PPARGC1A: variants seen among roughly 807,000 people sequenced by gnomAD.
PPARGC1A encodes peroxisome proliferator-activated receptor gamma coactivator 1-alpha.
A neutral mutation model predicts 88.7 loss-of-function variants in PPARGC1A; 25 were observed. The ratio of observed to expected loss-of-function variants is 0.28; its 90% CI spans 0.21 to 0.39. The LOEUF is 0.39. Among genes scored for constraint, PPARGC1A ranks in the 10% least tolerant of loss-of-function variants. The probability of loss-of-function intolerance (pLI) is 1.00; values close to 1 mark genes in which losing one functional copy is unlikely to be tolerated. For missense variants in PPARGC1A, 880 were observed against 968.7 expected (o/e 0.91, Z 1.22); for synonymous variants, 363 against 355.6 (o/e 1.02, Z -0.24).
chr4:24,260,531 A>C, the PPARGC1A span, among the ~76,000 whole-genome samples: 1 of 152,190 alleles, frequency 6.6e-6, no homozygotes, highest in Non-Finnish European at 1.5e-5. Flanking sequence ...AGCAATCAAC[A>C]TGGGAATCGC....
the PPARGC1A span, among the ~76,000 whole-genome samples, chr4:24,013,091 T>C: frequency 1.3e-5 from 2 of 152,282 alleles, no homozygotes; most frequent in African/African-American, 2.4e-5. Context: ...CCTAGTTGTG[T>C]TTAGCACCTA....
chr4:23,813,826 G>A lies in PPARGC1A; in HGVS notation c.1657C>T (p.Pro553Ser). 1 of 1,613,954 alleles carries A rather than the reference G, an allele frequency of 6.2e-7. No individual in the cohort carries two copies. The highest frequency in any genetic ancestry group is 8.5e-7 in the Non-Finnish European group (1 of 1,179,890). ...CTTTGAGAAAATAAGGATTTGGGTGGTGACACAGAATCTCTACATGGAGAG... is the reference window on the plus strand; with the variant it reads ...CTTTGAGAAAATAAGGATTTGGGTGATGACACAGAATCTCTACATGGAGAG... ...FNSPCRDSVSPPKSLFSQRPQ... is the reference protein window; with the variant it reads ...FNSPCRDSVSSPKSLFSQRPQ... Residue 553 changes from proline to serine, a missense_variant, in exon 8 of 13, where the codon CCA becomes TCA. Transcript: ENST00000264867.
chr4:23,931,845 G>C, the PPARGC1A span, among the ~76,000 whole-genome samples: 1 of 152,192 alleles, frequency 6.6e-6, no homozygotes, highest in South Asian at 2.1e-4. Flanking sequence ...TGGAGTCAGA[G>C]ATACCCAGAT....
the PPARGC1A span, among the ~76,000 whole-genome samples, chr4:24,009,550 G>C: frequency 3.9e-5 from 6 of 152,206 alleles, no homozygotes; most frequent in African/African-American, 1.4e-4. Flanking sequence ...TGTATTGCTA[G>C]TTTCTTTCTC....
At chr4:24,355,474 C>G in the PPARGC1A span, among the ~76,000 whole-genome samples, 7 of 152,030 alleles carry the variant, frequency 4.6e-5, no homozygotes, top group Non-Finnish European at 1.0e-4. Flanking sequence ...ATGCCCTCTC[C>G]CCTTCTGTAA....
chr4:24,306,201 T>A, the PPARGC1A span, among the ~76,000 whole-genome samples: 6 of 151,888 alleles, frequency 4.0e-5, no homozygotes, highest in Non-Finnish European at 7.4e-5. Context: ...TAATTAAAAA[T>A]GGGATGGGGG....
chr4:24,198,622 G>A, the PPARGC1A span, among the ~76,000 whole-genome samples: 1 of 152,222 alleles, frequency 6.6e-6, no homozygotes, highest in Non-Finnish European at 1.5e-5. Context: ...GCAATTAGCA[G>A]CCCCTCCAGC....
At chr4:24,002,891 C>T in the PPARGC1A span, among the ~76,000 whole-genome samples, 1 of 152,180 alleles carries the variant, frequency 6.6e-6, no homozygotes, top group Admixed American at 6.5e-5. Context: ...AAGGGACCCA[C>T]ATTAGATGAG....
At chr4:24,062,284 A>G in the PPARGC1A span, among the ~76,000 whole-genome samples, 2 of 152,152 alleles carry the variant, frequency 1.3e-5, no homozygotes, top group Admixed American at 6.5e-5. Context: ...TCAGCTTTTG[A>G]TGCCTCCTAA....
At chr4:23,968,181 C>T in the PPARGC1A span, among the ~76,000 whole-genome samples, 1 of 152,306 alleles carries the variant, frequency 6.6e-6, no homozygotes, top group South Asian at 2.1e-4. Flanking sequence ...GTGACTTAAA[C>T]TTTCTAAGCC....
intron 2 of PPARGC1A, among the ~76,000 whole-genome samples, chr4:23,852,673 G>A (rs1041031048): frequency 4.6e-5 from 7 of 151,580 alleles, no homozygotes; most frequent in South Asian, 2.1e-4. Context: ...GATCCTATTC[G>A]AGTTCTCTTC....
At chr4:23,911,475 A>G in the PPARGC1A span, among the ~76,000 whole-genome samples, 3 of 152,184 alleles carry the variant, frequency 2.0e-5, no homozygotes, top group African/African-American at 7.2e-5. Flanking sequence ...CAGATACAAT[A>G]TAGAGCTAGA....
the PPARGC1A span, among the ~76,000 whole-genome samples, chr4:24,186,419 G>A: frequency 6.6e-6 from 1 of 152,060 alleles, no homozygotes; most frequent in Non-Finnish European, 1.5e-5. Flanking sequence ...GGCTCTTCTG[G>A]ATCGGACCAC....
At chr4:24,404,557 A>C in the PPARGC1A span, among the ~76,000 whole-genome samples, 1 of 151,992 alleles carries the variant, frequency 6.6e-6, no homozygotes, top group Non-Finnish European at 1.5e-5. Flanking sequence ...CAGTGCAAGA[A>C]TGCTGTCCCC....
At chr4:23,923,338 A>G in the PPARGC1A span, among the ~76,000 whole-genome samples, 1 of 152,148 alleles carries the variant, frequency 6.6e-6, no homozygotes, top group Non-Finnish European at 1.5e-5. Flanking sequence ...CTTGAAAACA[A>G]TCCAATTCCA....
intron 2 of PPARGC1A, among the ~76,000 whole-genome samples, chr4:23,871,624 T>A (rs1215089563): frequency 6.6e-6 from 1 of 152,036 alleles, no homozygotes; most frequent in Non-Finnish European, 1.5e-5. Flanking sequence ...CATGGGAACA[T>A]ATCTGGAGAG....
the PPARGC1A span, among the ~76,000 whole-genome samples, chr4:24,275,633 G>T: frequency 2.0e-5 from 3 of 152,160 alleles, no homozygotes; most frequent in African/African-American, 7.2e-5. Context: ...TGCAATTATT[G>T]TCAAATTTAG....
chr4:23,869,457 G>A (rs1026906149), intron 2 of PPARGC1A, among the ~76,000 whole-genome samples: 18 of 152,112 alleles, frequency 1.2e-4, no homozygotes, highest in African/African-American at 3.6e-4. Context: ...ATTCTCAGGT[G>A]AAAGGTGCCA....
the PPARGC1A span, among the ~76,000 whole-genome samples, chr4:24,207,280 T>C: frequency 2.0e-5 from 3 of 152,204 alleles, no homozygotes; most frequent in African/African-American, 7.2e-5. Flanking sequence ...GTTGCATATC[T>C]CATTTAAATG....
Sources: gnomAD v4.1 joint callset for allele counts (sites outside exome capture counted in the v4.1 genomes callset) on GRCh38, gnomAD v4.1.1 for gene constraint, MANE v1.5 for transcripts, NCBI Gene and HGNC (gene_info 2026-07-23, HGNC 2026-07-21) for gene names.